The following PCDHA4 variants were observed in gnomAD, a reference collection of about 807,000 sequenced individuals.
The protein encoded by PCDHA4 is protocadherin alpha-4.
In PCDHA4, 49 loss-of-function variants were observed where a neutral mutation model predicts 61.4. That is an observed-to-expected ratio of 0.80 (90% CI 0.63 to 1.01). The LOEUF (loss-of-function observed/expected upper bound fraction) is 1.01. Ranked by LOEUF, PCDHA4 falls within the 50% of genes least tolerant of loss-of-function variation. The probability of loss-of-function intolerance (pLI) is 0.00; values close to 1 mark genes in which losing one functional copy is unlikely to be tolerated. For synonymous variants in PCDHA4, 590 were observed against 550.3 expected, an observed-to-expected ratio of 1.07 and a Z score of -1.01; for missense variants, 1,254 against 1,235.8, an observed-to-expected ratio of 1.01 and a Z score of -0.22.
chr5:140,949,528 A>G (rs2094388709), intron 1 of PCDHA4, among the ~76,000 whole-genome samples: 1 of 151,854 alleles, frequency 6.6e-6, no homozygotes, highest in Non-Finnish European at 1.5e-5. Context: ...TTTTATCTTC[A>G]TAAAATATCG....
In PCDHA4 at chr5:140,809,191, A is replaced by G. The variant is rs1764391277; in HGVS notation, c.2004A>G (p.Ser668=). The G allele has an allele frequency of 6.2e-7, 1 of 1,614,020 alleles. No individual in the cohort carries two copies. The highest frequency in any genetic ancestry group is 8.5e-7 in the Non-Finnish European group (1 of 1,179,942). Residue 668 remains serine (S), a synonymous_variant, in exon 1 of 4, where the codon TCA becomes TCG. Transcript: ENST00000530339. ...CGGCCACGGCCACTGTGCTGGTGTC[A>G]CTTGTGGAGAGTGGACAGGCGCCAA... ...ALTATATVLV[S]LVESGQAPKA... is the part of the protein sequence containing the mutation.
chr5:140,919,198 A>G (rs545072839), intron 1 of PCDHA4, among the ~76,000 whole-genome samples: 8 of 152,268 alleles, frequency 5.3e-5, no homozygotes, highest in Admixed American at 3.9e-4. Flanking sequence ...TCCTTTTGTC[A>G]TTATAAAATG....
chr5:141,003,648 G>A lies in PCDHA4; in HGVS notation c.2534-5979G>A, dbSNP rs1314983871. On this transcript the variant is annotated intron_variant, in intron 3 of 3. Transcript: ENST00000530339. ...GTTTTTAAAGTAGAAGTGAAGATCTGTATGCATTTATTAAAATATATGTTG... is the reference window on the plus strand; with the variant it reads ...GTTTTTAAAGTAGAAGTGAAGATCTATATGCATTTATTAAAATATATGTTG... Among the ~76,000 whole-genome samples the A allele has an allele frequency of 3.3e-5, 5 of 152,226 alleles. No individual in the cohort carries two copies. In the South Asian group the frequency reaches 6.2e-4, roughly 19 times the overall value.
Position 140,892,511 on chromosome 5 carries a change from C to T in PCDHA4, c.2385+82939C>T, listed in dbSNP as rs115588708. Among the ~76,000 whole-genome samples the T allele has an allele frequency of 8.0e-3, 1,214 of 152,282 alleles. 6 individuals carry two copies. Among genetic ancestry groups the T allele is most frequent in the African/African-American group, 0.019 (784 of 41,558 alleles). On this transcript the variant is annotated intron_variant, in intron 1 of 3. Coordinates refer to ENST00000530339, the MANE Select transcript of PCDHA4 (RefSeq NM_018907.4). ...TGAGAGATTGTTTAAGAAGTTCCAC[C>T]ATGACTGGTAGACTCAGGATTCTGA...
intron 1 of PCDHA4, among the ~76,000 whole-genome samples, chr5:140,973,878 A>T (rs1440672302): frequency 6.6e-6 from 1 of 152,214 alleles, no homozygotes; most frequent in African/African-American, 2.4e-5. Context: ...GGTCAGAATA[A>T]TGTCAATTTG....
At chr5:140,903,690 T>C (rs2070508211) in intron 1 of PCDHA4, among the ~76,000 whole-genome samples, 1 of 152,224 alleles carries the variant, frequency 6.6e-6, no homozygotes, top group African/African-American at 2.4e-5. Context: ...TGGTAAATAG[T>C]TTAAAATAGT....
chr5:140,972,893 A>T (rs1452751778), intron 1 of PCDHA4, among the ~76,000 whole-genome samples: 1 of 151,858 alleles, frequency 6.6e-6, no homozygotes, highest in African/African-American at 2.4e-5. Context: ...CGATCTCTTG[A>T]CCTTGTGATC....
chr5:140,934,706 T>G (rs141577289), intron 1 of PCDHA4, among the ~76,000 whole-genome samples: 348 of 152,292 alleles, frequency 2.3e-3, no homozygotes, highest in African/African-American at 8.1e-3. Context: ...CCTGGCCATC[T>G]TACAAAAAGG....
intron 1 of PCDHA4, chr5:140,863,859 G>A (rs1448688968): frequency 1.7e-5 from 3 of 176,552 alleles, no homozygotes; most frequent in African/African-American, 4.8e-5. Flanking sequence ...AAATTAGCTG[G>A]GTGTGGTGGT....
chr5:140,843,678 G>A, intron 1 of PCDHA4: 2 of 1,591,412 alleles, frequency 1.3e-6, no homozygotes, highest in Non-Finnish European at 1.7e-6. Flanking sequence ...GTTGATGTAG[G>A]CGAAGAGCAA....
chr5:140,841,818 C>T lies in PCDHA4; in HGVS notation c.2385+32246C>T, dbSNP rs2150323435. ...TCCGATGCAGATGTTGGAGCTAACT[C>T]CGTGTTAACCTACAGGCTTAGCTCT... On this transcript the variant is annotated intron_variant, in intron 1 of 3. Coordinates refer to ENST00000530339, the MANE Select transcript of PCDHA4 (RefSeq NM_018907.4). The T allele has an allele frequency of 1.9e-6, 3 of 1,613,912 alleles. No homozygotes were observed. In the South Asian group the frequency reaches 3.3e-5, roughly 18 times the overall value.
intron 3 of PCDHA4, 71 bp from the exon 4 acceptor site, chr5:141,009,556 A>T: frequency 6.4e-7 from 1 of 1,564,868 alleles, no homozygotes; most frequent in Non-Finnish European, 8.7e-7. Flanking sequence ...GTACTCCTGT[A>T]CTCTACCAGC....
rs200797202 is a variant in PCDHA4 at position 140,937,911 on chromosome 5, C to CA, written c.2386-41022dup. On this transcript the variant is annotated intron_variant, in intron 1 of 3. Coordinates refer to ENST00000530339, the MANE Select transcript of PCDHA4 (RefSeq NM_018907.4). ...TGGGCGACAGAGTGAGACTCCGTCT[C>CA]AAAAAAAAAAAAAAAAGTTTAATTT... 3.1e-3 allele frequency among the ~76,000 whole-genome samples: 361 copies of CA among 117,828 alleles called. 2 individuals are homozygous for CA. In the East Asian group the frequency reaches 0.042, roughly 14 times the overall value. 77.3% of individuals were successfully genotyped at this position (117,828 alleles called of 152,430 possible).
chr5:140,888,597 C>A (rs1474772423), intron 1 of PCDHA4, among the ~76,000 whole-genome samples: 3 of 152,216 alleles, frequency 2.0e-5, no homozygotes, highest in African/African-American at 7.2e-5. Flanking sequence ...ACATTCAGAG[C>A]AGCTTTTAGT....
At chr5:140,991,847 G>A (rs1375292594) in intron 3 of PCDHA4, among the ~76,000 whole-genome samples, 1 of 152,162 alleles carries the variant, frequency 6.6e-6, no homozygotes, top group African/African-American at 2.4e-5. Flanking sequence ...CGCACTTCCA[G>A]ATACCAAAAT....
intron 1 of PCDHA4, chr5:140,928,860 G>A: frequency 1.2e-6 from 2 of 1,614,154 alleles, no homozygotes; most frequent in Non-Finnish European, 1.7e-6. Flanking sequence ...GTGTGCTGTT[G>A]AGCAACTCTG....
intron 3 of PCDHA4, among the ~76,000 whole-genome samples, chr5:140,990,731 A>G (rs1554251699): frequency 1.3e-5 from 2 of 152,166 alleles, no homozygotes; most frequent in South Asian, 4.1e-4. Flanking sequence ...AGGTATATCA[A>G]CAGCCCTAGG....
At chr5:140,918,510 A>G (rs1224635164) in intron 1 of PCDHA4, among the ~76,000 whole-genome samples, 1 of 152,144 alleles carries the variant, frequency 6.6e-6, no homozygotes, top group Non-Finnish European at 1.5e-5. Flanking sequence ...ATCCTTTTAA[A>G]CTTATTGAGG....
intron 2 of PCDHA4, among the ~76,000 whole-genome samples, chr5:140,980,631 A>G (rs1272240071): frequency 6.6e-6 from 1 of 152,222 alleles, no homozygotes; most frequent in Non-Finnish European, 1.5e-5. Flanking sequence ...TCTGTCTCAG[A>G]AGAATAAATA....
Sources: allele counts gnomAD v4.1 joint callset (sites outside exome capture counted in the v4.1 genomes callset), GRCh38; gene constraint gnomAD v4.1.1; transcripts MANE v1.5; gene names NCBI Gene and HGNC (gene_info 2026-07-23, HGNC 2026-07-21).